SMAD3: variants seen among roughly 807,000 people sequenced by gnomAD.
SMAD3 encodes MAD homolog 3.
Under a neutral mutation model 51.8 loss-of-function variants are expected in SMAD3, and 12 were observed. The observed-to-expected ratio is 0.23, with a 90% CI of 0.15 to 0.38. The LOEUF is 0.38. SMAD3 is among the 10% of genes least tolerant of loss of function. The pLI is 1.00. For synonymous variants in SMAD3, 238 were observed against 227.7 expected, an observed-to-expected ratio of 1.05 and a Z score of -0.41; for missense variants, 294 against 565.6, an observed-to-expected ratio of 0.52 and a Z score of 4.87.
At chr15:67,181,217 C>T (rs1332066253) in intron 5 of SMAD3, 24 bp from the exon 6 acceptor site, 1 of 1,601,330 alleles carries the variant, frequency 6.2e-7, no homozygotes, top group South Asian at 1.1e-5. Context: ...CCCAATGACC[C>T]AGTAGCCCAC....
At chr15:67,184,218 C>T (rs934094374) in intron 6 of SMAD3, among the ~76,000 whole-genome samples, 34 of 151,586 alleles carry the variant, frequency 2.2e-4, no homozygotes, top group African/African-American at 8.2e-4. Context: ...CCACTCACCT[C>T]AGCCTCCCAA....
chr15:67,176,015 C>T (rs117903543), intron 5 of SMAD3, among the ~76,000 whole-genome samples: 1 of 152,192 alleles, frequency 6.6e-6, no homozygotes, highest in Non-Finnish European at 1.5e-5. Flanking sequence ...GGTTTTTAGA[C>T]TTTGCCACTG....
intron 1 of SMAD3, among the ~76,000 whole-genome samples, chr15:67,085,905 C>CACACAG (rs1226441725): frequency 2.1e-5 from 3 of 142,932 alleles, no homozygotes; most frequent in African/African-American, 7.7e-5. Context: ...CACACATACA[C>CACACAG]AGAGAACAGC....
At chr15:67,182,023 G>A (rs1027157782) in intron 6 of SMAD3, among the ~76,000 whole-genome samples, 1 of 152,158 alleles carries the variant, frequency 6.6e-6, no homozygotes, top group Non-Finnish European at 1.5e-5. Context: ...CTGACCTCAG[G>A]TGATCCACCT....
At chr15:67,187,338 A>G (rs1349444525) in intron 7 of SMAD3, 27 bp from the exon 8 acceptor site, 3 of 1,614,086 alleles carry the variant, frequency 1.9e-6, no homozygotes, top group Non-Finnish European at 2.5e-6. Flanking sequence ...TTCCATCCCC[A>G]CAGCCCTGTT....
intron 1 of SMAD3, among the ~76,000 whole-genome samples, chr15:67,135,311 A>G (rs1961630888): frequency 6.6e-6 from 1 of 152,188 alleles, no homozygotes. Context: ...ATCCAGGGGC[A>G]GCCCCCGGGC....
At chr15:67,108,702 T>A (rs1038536747) in intron 1 of SMAD3, among the ~76,000 whole-genome samples, 2 of 152,212 alleles carry the variant, frequency 1.3e-5, no homozygotes, top group Non-Finnish European at 2.9e-5. Flanking sequence ...ACTAAGGGCA[T>A]GTCACTCATC....
intron 5 of SMAD3, among the ~76,000 whole-genome samples, chr15:67,172,541 T>C (rs1267587351): frequency 6.6e-6 from 1 of 152,206 alleles, no homozygotes; most frequent in Non-Finnish European, 1.5e-5. Context: ...GGTGAGATGG[T>C]GATGATGATG....
intron 1 of SMAD3, chr15:67,138,156 C>A: frequency 1.5e-6 from 2 of 1,343,656 alleles, no homozygotes; most frequent in Non-Finnish European, 1.0e-6. Context: ...GTCTCCCCAC[C>A]CGTCCACAGG....
chr15:67,130,651 A>G (rs1961503154), intron 1 of SMAD3, among the ~76,000 whole-genome samples: 4 of 152,228 alleles, frequency 2.6e-5, no homozygotes, highest in Non-Finnish European at 5.9e-5. Context: ...ACAGAGAAAG[A>G]GAATTTGCAC....
At chr15:67,067,822 G>T (rs1460912821) in intron 1 of SMAD3, among the ~76,000 whole-genome samples, 1 of 152,180 alleles carries the variant, frequency 6.6e-6, no homozygotes, top group African/African-American at 2.4e-5. Flanking sequence ...GAGGTGGTGT[G>T]ATGTGATGGT....
chr15:67,143,872 T>C (rs1048497625), intron 1 of SMAD3, among the ~76,000 whole-genome samples: 5 of 152,018 alleles, frequency 3.3e-5, no homozygotes, highest in African/African-American at 1.2e-4. Flanking sequence ...TGGGTTCACA[T>C]GATTCTCCTG....
chr15:67,136,912 T>C (rs1223751347), intron 1 of SMAD3, among the ~76,000 whole-genome samples: 3 of 152,136 alleles, frequency 2.0e-5, no homozygotes, highest in Admixed American at 6.5e-5. Context: ...CCATTGACCA[T>C]AGGATATGTG....
intron 1 of SMAD3, among the ~76,000 whole-genome samples, chr15:67,154,003 G>A (rs904291119): frequency 1.9e-4 from 29 of 152,220 alleles, no homozygotes; most frequent in African/African-American, 7.0e-4. Flanking sequence ...GCCCTCCCAA[G>A]GATAAGGCAA....
At chr15:67,066,738 C>T (rs1959930098) in intron 1 of SMAD3, among the ~76,000 whole-genome samples, 1 of 152,176 alleles carries the variant, frequency 6.6e-6, no homozygotes, top group South Asian at 2.1e-4. Flanking sequence ...CCCTCCTCCG[C>T]CGCCGCCTCC....
intron 1 of SMAD3, among the ~76,000 whole-genome samples, chr15:67,124,965 C>G (rs1212609646): frequency 6.6e-6 from 1 of 152,224 alleles, no homozygotes; most frequent in Non-Finnish European, 1.5e-5. Context: ...ATACATCAAG[C>G]ATATTTATTG....
intron 4 of SMAD3, among the ~76,000 whole-genome samples, chr15:67,169,765 C>T (rs981716139): frequency 8.5e-5 from 13 of 152,104 alleles, no homozygotes; most frequent in African/African-American, 2.9e-4. Flanking sequence ...ACCCGGCCTC[C>T]GCAGCCTTCT....
intron 6 of SMAD3, among the ~76,000 whole-genome samples, chr15:67,183,015 ATATATATATATATATATTTTTTTTT>A: frequency 2.8e-5 from 2 of 72,628 alleles, no homozygotes; most frequent in Middle Eastern, 6.4e-3. Context: ...ATATATATAT[ATATATATATATATATATTTTTTTTT>A]TTTTTTTTTT....
chr15:67,075,648 C>T (rs892444592), intron 1 of SMAD3, among the ~76,000 whole-genome samples: 1 of 152,210 alleles, frequency 6.6e-6, no homozygotes, highest in African/African-American at 2.4e-5. Flanking sequence ...GGCACGGTGG[C>T]TCATGCCTAT....
Sources: gnomAD v4.1 joint callset for allele counts (sites outside exome capture counted in the v4.1 genomes callset) on GRCh38, gnomAD v4.1.1 for gene constraint, MANE v1.5 for transcripts, NCBI Gene and HGNC (gene_info 2026-07-23, HGNC 2026-07-21) for gene names.